Variants in CCDC85C observed in about 807,000 individuals in gnomAD.
The protein encoded by CCDC85C is coiled-coil domain-containing protein 85C.
A neutral mutation model predicts 38.3 loss-of-function variants in CCDC85C; 18 were observed. That is an observed-to-expected ratio of 0.47 (90% CI 0.33 to 0.70). CCDC85C has a LOEUF of 0.70. Among genes scored for constraint, CCDC85C ranks in the 30% least tolerant of loss-of-function variants. The probability of loss-of-function intolerance (pLI) is 0.03; values close to 1 mark genes in which losing one functional copy is unlikely to be tolerated. For synonymous variants in CCDC85C, 264 were observed against 293.8 expected (o/e 0.90, Z 1.04); for missense variants, 566 against 621.2 (o/e 0.91, Z 0.94).
chr14:99,574,430 C>CGCTCCCCTCACCCTCCCACAT (rs936255273), intron 1 of CCDC85C, among the ~76,000 whole-genome samples: 1 of 152,102 alleles, frequency 6.6e-6, no homozygotes, highest in Non-Finnish European at 1.5e-5. Flanking sequence ...ACACCCCATA[C>CGCTCCCCTCACCCTCCCACAT]GCTCCCCTCA....
chr14:99,532,267 G>A (rs1230180809), intron 2 of CCDC85C, among the ~76,000 whole-genome samples: 1 of 152,240 alleles, frequency 6.6e-6, no homozygotes, highest in Non-Finnish European at 1.5e-5. Flanking sequence ...AGGAGGCCAG[G>A]AGGATGGAGA....
chr14:99,543,412 G>A (rs1289053004), intron 1 of CCDC85C, among the ~76,000 whole-genome samples: 1 of 152,200 alleles, frequency 6.6e-6, no homozygotes, highest in Non-Finnish European at 1.5e-5. Context: ...CTTCCTGTGA[G>A]GGACCCTTGG....
At chr14:99,602,011 G>A (rs2055204019) in intron 1 of CCDC85C, among the ~76,000 whole-genome samples, 1 of 152,068 alleles carries the variant, frequency 6.6e-6, no homozygotes, top group Non-Finnish European at 1.5e-5. Context: ...GTTCTGGGGA[G>A]GGCAGTTATT....
chr14:99,517,122 C>A lies in CCDC85C; in HGVS notation c.1037G>T (p.Gly346Val). The A allele has an allele frequency of 1.3e-6, 2 of 1,550,488 alleles. No individual in the cohort carries two copies. The highest frequency in any genetic ancestry group is 1.7e-6 in the Non-Finnish European group (2 of 1,146,900). The change falls in exon 4 of 6, where the codon GGA (glycine) becomes GTA (valine). Residue 346 changes from glycine (G) to valine (V), a missense_variant. Coordinates refer to ENST00000380243, the MANE Select transcript of CCDC85C (RefSeq NM_001144995.2). ...ATGCACGACAGCCTCGGGCTTCTGT[C>A]CTGCAGGGCTGTAGCCAGCAGAGGG... ...SPPSAGYSPA[G>V]QKPEAVVHAM... is the part of the protein sequence containing the mutation.
intron 1 of CCDC85C, among the ~76,000 whole-genome samples, chr14:99,589,326 G>A (rs538438698): frequency 1.6e-4 from 24 of 152,304 alleles, no homozygotes; most frequent in African/African-American, 4.6e-4. Flanking sequence ...ACCAGCACCC[G>A]CAGAACGCTG....
Position 99,560,427 on chromosome 14 carries a change from C to A in CCDC85C, c.794-24339G>T, listed in dbSNP as rs529165284. On this transcript the variant is annotated intron_variant, in intron 1 of 5. Coordinates refer to ENST00000380243, the MANE Select transcript of CCDC85C (RefSeq NM_001144995.2). ...CCCTGGGAGGGATGACTGCTCACAG[C>A]ACCATCAGTGGAACCTCAGGGGAGG... Among the ~76,000 whole-genome samples the A allele has an allele frequency of 2.4e-4, 36 of 152,340 alleles. No individual in the cohort carries two copies. The South Asian group carries it at 7.2e-3, about 31-fold the overall frequency.
At chr14:99,546,245 C>A (rs1198402847) in intron 1 of CCDC85C, among the ~76,000 whole-genome samples, 1 of 151,918 alleles carries the variant, frequency 6.6e-6, no homozygotes, top group Non-Finnish European at 1.5e-5. Context: ...CGGGATGATG[C>A]CCTGCCCCCA....
At chr14:99,573,456 A>C (rs1030272300) in intron 1 of CCDC85C, among the ~76,000 whole-genome samples, 1 of 152,242 alleles carries the variant, frequency 6.6e-6, no homozygotes, top group Non-Finnish European at 1.5e-5. Flanking sequence ...ACCCACGTGA[A>C]GGAAAACCAG....
chr14:99,532,839 T>A (rs1483382070), intron 2 of CCDC85C, among the ~76,000 whole-genome samples: 1 of 148,400 alleles, frequency 6.7e-6, no homozygotes, highest in African/African-American at 2.5e-5. Context: ...TGGAGTGCAG[T>A]GGGGCAATCT....
chr14:99,603,242 C>A lies in CCDC85C; in HGVS notation c.718G>T (p.Ala240Ser). 2.8e-6 allele frequency: 4 copies of A among 1,403,870 alleles called. No individual in the cohort carries two copies. The highest frequency in any genetic ancestry group is 3.7e-6 in the Non-Finnish European group (4 of 1,084,218). 87.0% of individuals were successfully genotyped at this position (1,403,870 alleles called of 1,614,324 possible). A position where few individuals can be genotyped will look rare whatever the true frequency, so the allele number is the denominator to read the frequency against. Residue 240 changes from alanine (A) to serine (S), a missense_variant, in exon 1 of 6, where the codon GCA (alanine) becomes TCA (serine). Ala to Ser is a moderately conservative substitution (Grantham distance 99, BLOSUM62 1). Transcript: ENST00000380243. This position sits in a 1 kb window ranked among gnomAD's most constrained non-coding sequence, Gnocchi z 7.5. ...TCCAGGGACCGACGTGTGGCTCCTG[C>A]CTTGCCGTCGGGGGCCTTGTGCGGC... is the stretch of plus-strand genomic sequence containing the variant. ...PGPHKAPDGK[A>S]GATRRSLDDL...
intron 1 of CCDC85C, among the ~76,000 whole-genome samples, chr14:99,581,042 G>A (rs1247574648): frequency 6.6e-6 from 1 of 152,178 alleles, no homozygotes; most frequent in Non-Finnish European, 1.5e-5. Context: ...TTTCAGGAAA[G>A]ACAGAGTGAG....
Position 99,500,568 on chromosome 14 carries a change from C to A in CCDC85C, c.*14678G>T. The A allele has an allele frequency of 1.8e-6, 1 of 546,594 alleles. No homozygotes were observed. Among genetic ancestry groups the A allele is most frequent in the Non-Finnish European group, 3.2e-6 (1 of 310,288 alleles). 33.9% of individuals were successfully genotyped at this position (546,594 alleles called of 1,614,324 possible). A position where few individuals can be genotyped will look rare whatever the true frequency, so the allele number is the denominator to read the frequency against. On this transcript the variant is annotated 3_prime_UTR_variant, in exon 6 of 6. Coordinates refer to ENST00000380243, the MANE Select transcript of CCDC85C (RefSeq NM_001144995.2). ...TTTTTACATTACACCTCTGCTTTGT[C>A]TTCCTGTTTGAGATCTTTTCAGAAT...
chr14:99,527,385 T>G (rs1206140748), intron 2 of CCDC85C, among the ~76,000 whole-genome samples: 2 of 152,106 alleles, frequency 1.3e-5, no homozygotes, highest in African/African-American at 4.8e-5. Flanking sequence ...AGCTCGGGCA[T>G]GGGGTGGAAG....
In CCDC85C at chr14:99,502,075, T is replaced by G; in HGVS notation, c.*13171A>C. 1 of 1,001,576 alleles carries G rather than the reference T, an allele frequency of 1.0e-6. No homozygotes were observed. Among genetic ancestry groups the G allele is most frequent in the Non-Finnish European group, 1.4e-6 (1 of 723,302 alleles). 62.0% of individuals were successfully genotyped at this position (1,001,576 alleles called of 1,614,324 possible). ...TAGAAGAGTAAAGACTTGAGTTTATTTATTTATAGTACTTTAATTAAATTT... is the reference window on the plus strand; with the variant it reads ...TAGAAGAGTAAAGACTTGAGTTTATGTATTTATAGTACTTTAATTAAATTT... On this transcript the variant is annotated 3_prime_UTR_variant, in exon 6 of 6. Coordinates refer to ENST00000380243, the MANE Select transcript of CCDC85C (RefSeq NM_001144995.2).
chr14:99,547,505 G>A lies in CCDC85C; in HGVS notation c.794-11417C>T, dbSNP rs540100162. On this transcript the variant is annotated intron_variant, in intron 1 of 5. Transcript: ENST00000380243. ...AACCACTGGATTGGCTGGGCACAGT[G>A]GCTCATGCCTGTAATCCCAGCACTT... 1.6e-4 allele frequency among the ~76,000 whole-genome samples: 25 copies of A among 152,242 alleles called. 1 individual carries two copies. In the East Asian group the frequency reaches 3.7e-3, roughly 22 times the overall value.
At chr14:99,574,858 G>T (rs1467752313) in intron 1 of CCDC85C, among the ~76,000 whole-genome samples, 1 of 152,188 alleles carries the variant, frequency 6.6e-6, no homozygotes, top group African/African-American at 2.4e-5. Flanking sequence ...GGTTAAGGAG[G>T]TCAGGGGCCA....
At chr14:99,578,435 C>T (rs1595098062) in intron 1 of CCDC85C, among the ~76,000 whole-genome samples, 1 of 152,108 alleles carries the variant, frequency 6.6e-6, no homozygotes, top group East Asian at 1.9e-4. Context: ...CAGCCCACAC[C>T]TATGTTCCCC....
At chr14:99,574,974 G>C (rs1286478997) in intron 1 of CCDC85C, among the ~76,000 whole-genome samples, 2 of 152,222 alleles carry the variant, frequency 1.3e-5, no homozygotes, top group Non-Finnish European at 2.9e-5. Flanking sequence ...CCAGTGACTG[G>C]TCAAGGTCAC....
rs1159357091 is a variant in CCDC85C at position 99,512,369 on chromosome 14, GCCCCA to G, written c.*2872_*2876del. The G allele has an allele frequency of 6.6e-6, 1 of 151,070 alleles. No homozygotes were observed. Among genetic ancestry groups the G allele is most frequent in the Non-Finnish European group, 1.5e-5 (1 of 67,970 alleles). 9.4% of individuals were successfully genotyped at this position (151,070 alleles called of 1,614,324 possible). A position where few individuals can be genotyped will look rare whatever the true frequency, so the allele number is the denominator to read the frequency against. ...CTCCAAAAAGCAGCACAAATACTTT[GCCCCA>G]CAGTATGAAAAATATACACCTCTAC... is the stretch of plus-strand genomic sequence containing the variant. On this transcript the variant is annotated 3_prime_UTR_variant, in exon 6 of 6. Coordinates refer to ENST00000380243, the MANE Select transcript of CCDC85C (RefSeq NM_001144995.2).
Sources: gnomAD v4.1 joint callset for allele counts (sites outside exome capture counted in the v4.1 genomes callset) on GRCh38, gnomAD v4.1.1 for gene constraint, Gnocchi (gnomAD v3.1) non-coding constraint, MANE v1.5 for transcripts, NCBI Gene and HGNC (gene_info 2026-07-23, HGNC 2026-07-21) for gene names.